The following TBC1D8 variants were observed in gnomAD, a reference collection of about 807,000 sequenced individuals.
TBC1D8 encodes the protein TBC1 domain family member 8.
A neutral mutation model predicts 118.8 loss-of-function variants in TBC1D8; 65 were observed. The ratio of observed to expected loss-of-function variants is 0.55; its 90% CI spans 0.45 to 0.67. The LOEUF (loss-of-function observed/expected upper bound fraction) is 0.67. Ranked by LOEUF, TBC1D8 falls within the 30% of genes least tolerant of loss-of-function variation. The probability of loss-of-function intolerance (pLI) is 0.00; values close to 1 mark genes in which losing one functional copy is unlikely to be tolerated. For synonymous variants in TBC1D8, 566 were observed against 595.8 expected (o/e 0.95, Z 0.73); for missense variants, 1,376 against 1,471.2 (o/e 0.94, Z 1.06).
chr2:101,008,412 T>G lies in TBC1D8; in HGVS notation c.3016-139A>C. 5 of 713,650 alleles carry G rather than the reference T, an allele frequency of 7.0e-6. No individual in the cohort carries two copies. The South Asian group carries it at 1.2e-4, about 17-fold the overall frequency. The allele number at this position is 713,650 out of a possible 1,614,324, so 44.2% of individuals were successfully genotyped here. A position where few individuals can be genotyped will look rare whatever the true frequency, so the allele number is the denominator to read the frequency against. ...AATATAAGAAAAGGTAGTCTCTGCC[T>G]TTCCACTCTAAACTATTAACAGTGG... On this transcript the variant is annotated intron_variant, in intron 19 of 19. Coordinates refer to ENST00000409318, the MANE Select transcript of TBC1D8 (RefSeq NM_001330348.2).
At chr2:101,133,814 C>T (rs1365259271) in intron 1 of TBC1D8, among the ~76,000 whole-genome samples, 2 of 152,196 alleles carry the variant, frequency 1.3e-5, no homozygotes, top group Non-Finnish European at 2.9e-5. Flanking sequence ...TTAACTGACT[C>T]ACAGCTCTGC....
Position 101,007,887 on chromosome 2 carries a change from CTGAT to C in TBC1D8, c.3398_3401del (p.Asn1133SerfsTer9), listed in dbSNP as rs1558961554. On this transcript the variant is annotated frameshift_variant, in exon 20 of 20. Transcript: ENST00000409318. LOFTEE classifies it high-confidence loss of function. ...TCATTTCAAAAGTTTTGAGATTGTA[CTGAT>C]TGATCTTGGCATTTTCAAGTTTGGA... The C allele has an allele frequency of 6.2e-7, 1 of 1,613,986 alleles. No individual in the cohort carries two copies. The highest frequency in any genetic ancestry group is 8.5e-7 in the Non-Finnish European group (1 of 1,179,886).
intron 17 of TBC1D8, among the ~76,000 whole-genome samples, chr2:101,016,930 TG>T (rs1315532436): frequency 7.0e-6 from 1 of 143,336 alleles, no homozygotes; most frequent in African/African-American, 2.7e-5. Context: ...GGTGTGGGGT[TG>T]GGGGGATGGG....
intron 1 of TBC1D8, among the ~76,000 whole-genome samples, chr2:101,120,335 C>G (rs1286224692): frequency 6.6e-6 from 1 of 152,216 alleles, no homozygotes; most frequent in Non-Finnish European, 1.5e-5. Flanking sequence ...CTGTGGGTTG[C>G]TCCACTGGTT....
At chr2:101,086,532 A>G (rs1293160826) in intron 2 of TBC1D8, among the ~76,000 whole-genome samples, 1 of 151,936 alleles carries the variant, frequency 6.6e-6, no homozygotes. Flanking sequence ...ATAAAGACAG[A>G]GTTGTGTGCA....
intron 15 of TBC1D8, among the ~76,000 whole-genome samples, chr2:101,023,470 A>G (rs180689987): frequency 1.3e-5 from 2 of 152,256 alleles, no homozygotes; most frequent in Non-Finnish European, 2.9e-5. Flanking sequence ...TTAAAAATCA[A>G]AAAGGACTAG....
chr2:101,029,437 C>T (rs1573897035), intron 12 of TBC1D8, 54 bp downstream of exon 12: 8 of 1,570,028 alleles, frequency 5.1e-6, no homozygotes, highest in Admixed American at 1.8e-5. Context: ...CTGCTGGGCA[C>T]GTGCTGCTGC....
At chr2:101,107,378 G>T (rs184046397) in intron 1 of TBC1D8, among the ~76,000 whole-genome samples, 1 of 152,110 alleles carries the variant, frequency 6.6e-6, no homozygotes, top group Admixed American at 6.6e-5. Context: ...TGAATCAGTG[G>T]ACTAAGTATG....
chr2:101,068,802 C>T, intron 2 of TBC1D8: 3 of 198,506 alleles, frequency 1.5e-5, no homozygotes, highest in South Asian at 1.1e-4. Flanking sequence ...AGTTCGAGAC[C>T]AGCCTGGCCA....
intron 6 of TBC1D8, among the ~76,000 whole-genome samples, chr2:101,039,970 G>C (rs1681276570): frequency 6.6e-6 from 1 of 152,138 alleles, no homozygotes; most frequent in Non-Finnish European, 1.5e-5. Flanking sequence ...GGATGCCATA[G>C]CAACAGCAGA....
chr2:101,010,914 G>A lies in TBC1D8; in HGVS notation c.3015+15C>T. On this transcript the variant is annotated intron_variant, in intron 19 of 19. Transcript: ENST00000409318. ...AAAAAAAAAGTTAATTCTCTGCACT[G>A]AAGAAAGTCCATACCTGGCTCATTT... The A allele has an allele frequency of 6.3e-7, 1 of 1,582,752 alleles. No individual in the cohort carries two copies. The highest frequency in any genetic ancestry group is 8.6e-7 in the Non-Finnish European group (1 of 1,158,190).
intron 4 of TBC1D8, among the ~76,000 whole-genome samples, chr2:101,053,252 G>A (rs1342510404): frequency 3.9e-5 from 6 of 152,186 alleles, no homozygotes; most frequent in Non-Finnish European, 8.8e-5. Context: ...TCAAAAAGAA[G>A]GAAGGTGGCC....
At chr2:101,119,089 G>A (rs954944351) in intron 1 of TBC1D8, among the ~76,000 whole-genome samples, 8 of 152,104 alleles carry the variant, frequency 5.3e-5, no homozygotes, top group South Asian at 2.1e-4. Context: ...CTACAAAGTC[G>A]TCATACAAAA....
intron 1 of TBC1D8, among the ~76,000 whole-genome samples, chr2:101,093,107 A>G (rs1676149994): frequency 6.6e-6 from 1 of 152,186 alleles, no homozygotes; most frequent in African/African-American, 2.4e-5. Context: ...TTTTCTCTTC[A>G]TTATAATTTT....
intron 1 of TBC1D8, among the ~76,000 whole-genome samples, chr2:101,132,784 G>C (rs1014749442): frequency 6.6e-6 from 1 of 151,756 alleles, no homozygotes; most frequent in Non-Finnish European, 1.5e-5. Flanking sequence ...ATTTTTTGTA[G>C]AGATGGAGTC....
At position 101,028,051 on chromosome 2, in the gene TBC1D8, G is replaced by A. The variant is rs758611100; in HGVS notation, c.2448C>T (p.Asn816=). The A allele has an allele frequency of 1.5e-5, 25 of 1,613,784 alleles. No individual in the cohort carries two copies. In the Admixed American group the frequency reaches 1.8e-4, roughly 12 times the overall value. The change falls in exon 14 of 20, where the codon AAC becomes AAT. Residue 816 remains asparagine, a synonymous_variant. Coordinates refer to ENST00000409318, the MANE Select transcript of TBC1D8 (RefSeq NM_001330348.2). The stretch of plus-strand genomic sequence containing the variant: ...GGGTGAGGCGTCTGCTACCCACCAC[G>A]TTCTGCTTTGTGGTGTCCTCGTGGC... ...LQGHEDTTKQ[N]VLRVVIPEVS... is the part of the protein sequence containing the mutation.
chr2:101,113,113 C>T (rs1289734370), intron 1 of TBC1D8, among the ~76,000 whole-genome samples: 2 of 152,114 alleles, frequency 1.3e-5, no homozygotes, highest in African/African-American at 4.8e-5. Context: ...TCAAGAGAAC[C>T]AGTTATAAAG....
chr2:101,121,458 G>C (rs930811782), intron 1 of TBC1D8, among the ~76,000 whole-genome samples: 1 of 152,230 alleles, frequency 6.6e-6, no homozygotes, highest in Admixed American at 6.5e-5. Context: ...GAGTGGGAGA[G>C]GGACTGGCAC....
chr2:101,139,379 A>G (rs1679001493), intron 1 of TBC1D8, among the ~76,000 whole-genome samples: 1 of 151,002 alleles, frequency 6.6e-6, no homozygotes, highest in Non-Finnish European at 1.5e-5. Flanking sequence ...TTCATCCGCC[A>G]TCCCTACTTC....
Sources: gnomAD v4.1 joint callset for allele counts (sites outside exome capture counted in the v4.1 genomes callset) on GRCh38, gnomAD v4.1.1 for gene constraint, MANE v1.5 for transcripts, NCBI Gene and HGNC (gene_info 2026-07-23, HGNC 2026-07-21) for gene names.